The following COL24A1 variants were observed in gnomAD, a reference collection of about 807,000 sequenced individuals.
COL24A1 encodes collagen alpha-1(XXIV) chain.
COL24A1 carries 224 observed loss-of-function variants against 253.9 expected under a neutral mutation model. The observed-to-expected ratio is 0.88, with a 90% CI of 0.79 to 0.99. The LOEUF is 0.99. Ranked by LOEUF, COL24A1 falls within the 50% of genes least tolerant of loss-of-function variation. The pLI is 0.00. For missense variants in COL24A1, 2,131 were observed against 2,068.5 expected, an observed-to-expected ratio of 1.03 and a Z score of -0.59; for synonymous variants, 685 against 673.7, an observed-to-expected ratio of 1.02 and a Z score of -0.26.
At chr1:86,091,638 G>C (rs1045276694) in intron 6 of COL24A1, among the ~76,000 whole-genome samples, 1 of 151,990 alleles carries the variant, frequency 6.6e-6, no homozygotes, top group African/African-American at 2.4e-5. Context: ...AGTTTTTGTA[G>C]TTATCTTTGC....
rs531089550 is a variant in COL24A1, at chr1:85,917,595, C to T, written c.2563-6162G>A. Among the ~76,000 whole-genome samples, 253 of 151,294 alleles carry T rather than the reference C, an allele frequency of 1.7e-3. 1 individual carries two copies. The highest frequency in any genetic ancestry group is 2.4e-3 in the Non-Finnish European group (161 of 67,852). On this transcript the variant is annotated intron_variant, in intron 24 of 59. Transcript: ENST00000370571. ...TGTGTAATTCTTTTCCATGTCTTTG[C>T]TCAATTTATTTTTTCCCATTAAGAT... is the stretch of plus-strand genomic sequence containing the variant.
chr1:86,119,626 A>G (rs1334017812), intron 3 of COL24A1, among the ~76,000 whole-genome samples: 1 of 152,150 alleles, frequency 6.6e-6, no homozygotes, highest in Non-Finnish European at 1.5e-5. Flanking sequence ...TAGAAGACAA[A>G]ACAAATATGG....
Position 85,781,982 on chromosome 1 carries a change from G to T in COL24A1, c.4285-709C>A, listed in dbSNP as rs541799646. Among the ~76,000 whole-genome samples, 68 of 152,272 alleles carry T rather than the reference G, an allele frequency of 4.5e-4. 1 individual carries two copies. The Middle Eastern group carries it at 0.014, about 30-fold the overall frequency. ...AAACTTCAGCTTCCGTGGTTCTTCA[G>T]AAATCATGAAAATAACTAATATATT... On this transcript the variant is annotated intron_variant, in intron 51 of 59. Coordinates refer to ENST00000370571, the MANE Select transcript of COL24A1 (RefSeq NM_152890.7).
intron 20 of COL24A1, among the ~76,000 whole-genome samples, chr1:85,986,267 G>A (rs974185448): frequency 6.6e-6 from 1 of 151,754 alleles, no homozygotes; most frequent in Non-Finnish European, 1.5e-5. Flanking sequence ...TGGCTGCCAT[G>A]AGAGGCAGCC....
chr1:85,860,814 AT>A (rs1238086896), intron 37 of COL24A1, among the ~76,000 whole-genome samples: 1 of 152,182 alleles, frequency 6.6e-6, no homozygotes, highest in Non-Finnish European at 1.5e-5. Context: ...ATTTAGCATA[AT>A]GTTTTCGAGG....
At chr1:86,068,207 C>T (rs1220592834) in intron 7 of COL24A1, among the ~76,000 whole-genome samples, 1 of 152,202 alleles carries the variant, frequency 6.6e-6, no homozygotes, top group Non-Finnish European at 1.5e-5. Context: ...TGAGCAAGAG[C>T]AATCACAGTA....
Position 86,156,575 on chromosome 1 carries a change from T to C in COL24A1, c.-179A>G. On this transcript the variant is annotated 5_prime_UTR_variant, in exon 1 of 60. Coordinates refer to ENST00000370571, the MANE Select transcript of COL24A1 (RefSeq NM_152890.7). ...GGTGAAGTCGGGAGGAGGTAGGAAATAGCACCCGAAGGGGAGGACAGGCTT... is the reference window on the plus strand; with the variant it reads ...GGTGAAGTCGGGAGGAGGTAGGAAACAGCACCCGAAGGGGAGGACAGGCTT... 2.2e-6 allele frequency: 1 copy of C among 456,388 alleles called. No individual in the cohort carries two copies. The highest frequency in any genetic ancestry group is 4.2e-5 in the South Asian group (1 of 23,848). The allele number at this position is 456,388 out of a possible 1,614,324, so 28.3% of individuals were successfully genotyped here.
intron 5 of COL24A1, among the ~76,000 whole-genome samples, chr1:86,108,675 C>T (rs981517695): frequency 3.4e-5 from 5 of 146,420 alleles, no homozygotes; most frequent in African/African-American, 1.3e-4. Flanking sequence ...GGCATGGTGG[C>T]ACATGCCTGT....
intron 52 of COL24A1, among the ~76,000 whole-genome samples, chr1:85,777,615 T>C (rs561120218): frequency 3.3e-5 from 5 of 152,248 alleles, no homozygotes; most frequent in African/African-American, 1.2e-4. Flanking sequence ...AAAGTAGTAT[T>C]ACAAAAAAAA....
intron 43 of COL24A1, among the ~76,000 whole-genome samples, chr1:85,831,779 A>C (rs1675320460): frequency 1.3e-5 from 2 of 152,076 alleles, no homozygotes; most frequent in Admixed American, 1.3e-4. Context: ...AAAGGGATGC[A>C]TCTGACAGAA....
chr1:85,736,262 G>A (rs1664041720), intron 58 of COL24A1: 1 of 455,900 alleles, frequency 2.2e-6, no homozygotes, highest in African/African-American at 2.0e-5. Context: ...GTTCATCCCA[G>A]TACTTCTCTG....
intron 19 of COL24A1, among the ~76,000 whole-genome samples, chr1:85,996,496 C>CGAAACCCCGTCTCTGCTAAAAATACAAAA (rs1553253949): frequency 2.1e-4 from 32 of 150,568 alleles, no homozygotes; most frequent in African/African-American, 2.9e-4. Flanking sequence ...ACCAACATGG[C>CGAAACCCCGTCTCTGCTAAAAATACAAAA]ATGGTGGTGG....
At chr1:86,017,933 C>T (rs1386784705) in intron 18 of COL24A1, among the ~76,000 whole-genome samples, 5 of 152,082 alleles carry the variant, frequency 3.3e-5, no homozygotes, top group Admixed American at 3.3e-4. Flanking sequence ...GTTTCAGTAT[C>T]TCTGAAGCTA....
intron 11 of COL24A1, among the ~76,000 whole-genome samples, chr1:86,048,575 C>T (rs969830704): frequency 1.4e-4 from 21 of 151,630 alleles, no homozygotes; most frequent in African/African-American, 5.1e-4. Context: ...ACTGCAAGCT[C>T]CACCTCCCAG....
intron 12 of COL24A1, among the ~76,000 whole-genome samples, chr1:86,044,070 T>C (rs1699717235): frequency 6.6e-6 from 1 of 152,144 alleles, no homozygotes; most frequent in South Asian, 2.1e-4. Flanking sequence ...ACCATATTCA[T>C]CTTCTACACA....
In COL24A1 at chr1:86,094,785, CTT is replaced by C. The variant is rs201782695; in HGVS notation, c.1600-2467_1600-2466del. Among the ~76,000 whole-genome samples, 1,000 of 151,926 alleles carry C rather than the reference CTT, an allele frequency of 6.6e-3. 14 individuals carry two copies. The highest frequency in any genetic ancestry group is 0.023 in the African/African-American group (971 of 41,498). ...TTGGTGATATCTTAATATTTAAAAACTTAACTCATCATCAAAAAAGTTAATAT... is the reference window on the plus strand; with the variant it reads ...TTGGTGATATCTTAATATTTAAAAACAACTCATCATCAAAAAAGTTAATAT... On this transcript the variant is annotated intron_variant, in intron 5 of 59. Transcript: ENST00000370571.
chr1:86,065,831 AAAC>A (rs1051311097), intron 7 of COL24A1, among the ~76,000 whole-genome samples: 3 of 152,126 alleles, frequency 2.0e-5, no homozygotes, highest in African/African-American at 4.8e-5. Context: ...AAGTTGATTA[AAAC>A]AACAACAATA....
intron 55 of COL24A1, among the ~76,000 whole-genome samples, chr1:85,758,077 A>T (rs1229286068): frequency 1.3e-5 from 2 of 152,126 alleles, no homozygotes; most frequent in Admixed American, 1.3e-4. Flanking sequence ...AATCTTCATA[A>T]TTCTCTCCAA....
At chr1:86,022,446 C>G in intron 17 of COL24A1, 92 bp downstream of exon 17, 1 of 1,330,098 alleles carries the variant, frequency 7.5e-7, no homozygotes, top group Non-Finnish European at 1.1e-6. Context: ...ATACCACATT[C>G]TAACACAATA....
Sources: gnomAD v4.1 joint callset for allele counts (sites outside exome capture counted in the v4.1 genomes callset) on GRCh38, gnomAD v4.1.1 for gene constraint, MANE v1.5 for transcripts, NCBI Gene and HGNC (gene_info 2026-07-23, HGNC 2026-07-21) for gene names.